Variants in NPLOC4 observed in about 807,000 individuals in gnomAD.
The protein encoded by NPLOC4 is NPL4 homolog, ubiquitin recognition factor.
NPLOC4 carries 18 observed loss-of-function variants against 80.6 expected under a neutral mutation model. That is an observed-to-expected ratio of 0.22 (90% CI 0.15 to 0.33). The LOEUF is 0.33. Among genes scored for constraint, NPLOC4 ranks in the 10% least tolerant of loss-of-function variants. The pLI, the probability that NPLOC4 is intolerant of heterozygous loss-of-function variation, is 1.00. For synonymous variants in NPLOC4, 313 were observed against 301.5 expected (o/e 1.04, Z -0.39); for missense variants, 540 against 786.1 (o/e 0.69, Z 3.74).
intron 13 of NPLOC4, 54 bp downstream of exon 13, chr17:81,571,963 C>G (rs2034171483): frequency 1.4e-6 from 2 of 1,398,426 alleles, no homozygotes; most frequent in Non-Finnish European, 2.0e-6. Flanking sequence ...GCAGTCCCAC[C>G]TACAAGGCGC....
intron 3 of NPLOC4, among the ~76,000 whole-genome samples, chr17:81,618,281 G>C (rs1390568050): frequency 6.6e-6 from 1 of 150,596 alleles, no homozygotes; most frequent in Non-Finnish European, 1.5e-5. Context: ...CCCATCGTCT[G>C]AGATGTGGGG....
intron 1 of NPLOC4, among the ~76,000 whole-genome samples, chr17:81,635,161 G>A (rs2036031796): frequency 1.3e-5 from 2 of 151,806 alleles, no homozygotes; most frequent in African/African-American, 4.8e-5. Flanking sequence ...CCAACACGGT[G>A]AAACCCCATC....
intron 1 of NPLOC4, among the ~76,000 whole-genome samples, chr17:81,631,463 C>T (rs112015086): frequency 0.45 from 25,344 of 56,158 alleles, 4,077 homozygotes; most frequent in Non-Finnish European, 0.51. Context: ...TTTTTTTTTT[C>T]CCCCACGGCA....
At chr17:81,603,012 CACAT>C (rs1322763256) in intron 8 of NPLOC4, among the ~76,000 whole-genome samples, 1 of 135,932 alleles carries the variant, frequency 7.4e-6, no homozygotes, top group African/African-American at 2.7e-5. Context: ...CACACACACA[CACAT>C]ATAAAAGTCA....
Position 81,572,910 on chromosome 17 carries a change from A to G in NPLOC4, c.1282-822T>C, listed in dbSNP as rs2034199200. On this transcript the variant is annotated intron_variant, in intron 12 of 16. Coordinates refer to ENST00000331134, the MANE Select transcript of NPLOC4 (RefSeq NM_017921.4). The surrounding 1 kb of genome is among the most constrained non-coding windows in gnomAD (Gnocchi z 4.5). ...CATGCACAAATGAGCGCACACACAA[A>G]TATGAAGACACGGGAACCCCACACC... 6.6e-6 allele frequency among the ~76,000 whole-genome samples: 1 copy of G among 152,220 alleles called. No individual in the cohort carries two copies. The highest frequency in any genetic ancestry group is 2.4e-5 in the African/African-American group (1 of 41,454).
intron 12 of NPLOC4, among the ~76,000 whole-genome samples, chr17:81,578,691 G>A (rs2034363051): frequency 6.6e-6 from 1 of 152,110 alleles, no homozygotes; most frequent in African/African-American, 2.4e-5. Flanking sequence ...TTGTGAGAAT[G>A]CACTCACTAT....
intron 1 of NPLOC4, among the ~76,000 whole-genome samples, chr17:81,631,462 T>TGCCC (rs112160687): frequency 1.6e-5 from 2 of 123,840 alleles, no homozygotes; most frequent in Non-Finnish European, 3.5e-5. Context: ...TTTTTTTTTT[T>TGCCC]CCCCCACGGC....
intron 2 of NPLOC4, among the ~76,000 whole-genome samples, chr17:81,624,488 A>G (rs1049458338): frequency 7.9e-5 from 12 of 152,164 alleles, no homozygotes; most frequent in African/African-American, 2.7e-4. Flanking sequence ...AGTCCCAGCT[A>G]GTCGGTGGGC....
chr17:81,574,879 AC>A (rs2034254392), intron 12 of NPLOC4, among the ~76,000 whole-genome samples: 5 of 94,756 alleles, frequency 5.3e-5, no homozygotes, highest in Non-Finnish European at 7.2e-5. Flanking sequence ...ACAAACAAAC[AC>A]ACACACACAC....
At chr17:81,565,673 A>C (rs1027037413) in intron 15 of NPLOC4, 66 bp from the exon 16 acceptor site, 1 of 1,243,286 alleles carries the variant, frequency 8.0e-7, no homozygotes. Flanking sequence ...CTGCTAGAAC[A>C]GGTTTCTTTC....
intron 12 of NPLOC4, among the ~76,000 whole-genome samples, chr17:81,582,224 G>A (rs34635363): frequency 0.26 from 40,012 of 152,176 alleles, 6,412 homozygotes; most frequent in Non-Finnish European, 0.36. Context: ...CAGGAGGGCC[G>A]TGAGGTAAGC....
chr17:81,614,848 G>C lies in NPLOC4; in HGVS notation c.210-1354C>G, dbSNP rs536098409. ...GGCCAGCCTTGGAAGAAAGGCTGCA[G>C]CATGTCCTCTGACAGATATCTAACT... On this transcript the variant is annotated intron_variant, in intron 3 of 16. Coordinates refer to ENST00000331134, the MANE Select transcript of NPLOC4 (RefSeq NM_017921.4). Among the ~76,000 whole-genome samples, 9 of 152,244 alleles carry C rather than the reference G, an allele frequency of 5.9e-5. No individual in the cohort carries two copies. The East Asian group carries it at 1.7e-3, about 29-fold the overall frequency.
intron 1 of NPLOC4, chr17:81,636,509 CAG>C (rs1208311606): frequency 1.8e-5 from 3 of 164,194 alleles, no homozygotes; most frequent in Non-Finnish European, 1.3e-5. Flanking sequence ...AGGAGAGAAT[CAG>C]AGGGAGATTA....
At position 81,577,966 on chromosome 17, in the gene NPLOC4, G is replaced by A. The variant is rs1265431931; in HGVS notation, c.1282-5878C>T. 1.3e-5 allele frequency among the ~76,000 whole-genome samples: 2 copies of A among 152,126 alleles called. No individual in the cohort carries two copies. Among genetic ancestry groups the A allele is most frequent in the African/African-American group, 2.4e-5 (1 of 41,418 alleles). ...CAGCCCAGGATGGGTCTTCTACAGC[G>A]GGGACCTCCCCTGCCCACCCCATCC... is the stretch of plus-strand genomic sequence containing the variant. On this transcript the variant is annotated intron_variant, in intron 12 of 16. Coordinates refer to ENST00000331134, the MANE Select transcript of NPLOC4 (RefSeq NM_017921.4). The surrounding 1 kb of genome is among the most constrained non-coding windows in gnomAD (Gnocchi z 4.3).
chr17:81,590,565 C>CT (rs1370679200), intron 11 of NPLOC4, among the ~76,000 whole-genome samples: 2 of 152,116 alleles, frequency 1.3e-5, no homozygotes, highest in African/African-American at 4.8e-5. Flanking sequence ...AGGCTGGTCT[C>CT]TAACTCCTGG....
chr17:81,565,354 C>T (rs114130927), intron 16 of NPLOC4, 151 bp downstream of exon 16: 2 of 743,558 alleles, frequency 2.7e-6, no homozygotes, highest in African/African-American at 1.7e-5. Context: ...GCAGGGAGGC[C>T]GAGTCTCTAC....
At position 81,578,359 on chromosome 17, in the gene NPLOC4, G is replaced by T. The variant is rs188086520; in HGVS notation, c.1282-6271C>A. On this transcript the variant is annotated intron_variant, in intron 12 of 16. Coordinates refer to ENST00000331134, the MANE Select transcript of NPLOC4 (RefSeq NM_017921.4). Reference sequence around the variant, plus strand: ...CTCGGCGCACCCTGCTCCCCAACAGGACACCTCCACAGTTTCCAAGAAGAG... The same window carrying T: ...CTCGGCGCACCCTGCTCCCCAACAGTACACCTCCACAGTTTCCAAGAAGAG... Among the ~76,000 whole-genome samples, 3 of 152,282 alleles carry T rather than the reference G, an allele frequency of 2.0e-5. No individual in the cohort carries two copies. The East Asian group carries it at 5.8e-4, about 29-fold the overall frequency.
At chr17:81,571,266 G>C (rs1383088525) in intron 13 of NPLOC4, among the ~76,000 whole-genome samples, 1 of 152,338 alleles carries the variant, frequency 6.6e-6, no homozygotes, top group Middle Eastern at 3.4e-3. Flanking sequence ...TAGGAAATGA[G>C]CCGCCTCCCG....
At chr17:81,609,590 G>C (rs530865781) in intron 5 of NPLOC4, among the ~76,000 whole-genome samples, 2 of 152,188 alleles carry the variant, frequency 1.3e-5, no homozygotes, top group Non-Finnish European at 2.9e-5. Context: ...GACTACAGGC[G>C]TCACTGCACA....
Sources: allele counts gnomAD v4.1 joint callset (sites outside exome capture counted in the v4.1 genomes callset), GRCh38; gene constraint gnomAD v4.1.1; non-coding constraint Gnocchi (gnomAD v3.1); transcripts MANE v1.5; gene names NCBI Gene and HGNC (gene_info 2026-07-23, HGNC 2026-07-21).